The following AFF4 variants were observed in gnomAD, a reference collection of about 807,000 sequenced individuals.
The protein encoded by AFF4 is AF4/FMR2 family member 4.
AFF4 carries 13 observed loss-of-function variants against 124.8 expected under a neutral mutation model. The observed-to-expected ratio is 0.10, with a 90% CI of 0.07 to 0.17. The LOEUF (loss-of-function observed/expected upper bound fraction) is 0.17. Ranked by LOEUF, AFF4 falls within the 10% of genes least tolerant of loss-of-function variation. The probability of loss-of-function intolerance (pLI) is 1.00; values close to 1 mark genes in which losing one functional copy is unlikely to be tolerated. For missense variants in AFF4, 1,092 were observed against 1,403.8 expected (o/e 0.78, Z 3.55); for synonymous variants, 477 against 496.1 (o/e 0.96, Z 0.51).
At position 132,963,470 on chromosome 5, in the gene AFF4, G is replaced by T. The variant is rs1182686835; in HGVS notation, c.-216C>A. ...CGGCGGCAGCGATGCGCCTCACACG[G>T]AACAGGCGTAGGCCCCGCACCGCTC... is the stretch of plus-strand genomic sequence containing the variant. On this transcript the variant is annotated 5_prime_UTR_variant, in exon 1 of 21. Transcript: ENST00000265343. 5.0e-6 allele frequency: 2 copies of T among 398,258 alleles called. No individual in the cohort carries two copies. Among genetic ancestry groups the T allele is most frequent in the Non-Finnish European group, 8.9e-6 (2 of 225,852 alleles). The allele number at this position is 398,258 out of a possible 1,614,324, so 24.7% of individuals were successfully genotyped here. A position where few individuals can be genotyped will look rare whatever the true frequency, so the allele number is the denominator to read the frequency against.
At position 132,910,754 on chromosome 5, in the gene AFF4, C is replaced by G. The variant is rs541258698; in HGVS notation, c.1051-6350G>C. ...ATTCAGTTAACAAACATTCATTGAA[C>G]AGCTACTTTGTGCCAGAACTATTCT... On this transcript the variant is annotated intron_variant, in intron 5 of 20. Transcript: ENST00000265343. Among the ~76,000 whole-genome samples the G allele has an allele frequency of 2.4e-4, 36 of 152,280 alleles. No individual in the cohort carries two copies. The South Asian group carries it at 7.3e-3, about 31-fold the overall frequency.
At chr5:132,918,045 A>C (rs1008518730) in intron 5 of AFF4, among the ~76,000 whole-genome samples, 4 of 151,816 alleles carry the variant, frequency 2.6e-5, no homozygotes, top group Non-Finnish European at 2.9e-5. Flanking sequence ...TAAATTAGCA[A>C]GGAAAAATCA....
chr5:132,952,230 C>T (rs1287603712), intron 1 of AFF4, among the ~76,000 whole-genome samples: 6 of 152,188 alleles, frequency 3.9e-5, no homozygotes, highest in African/African-American at 9.6e-5. Context: ...AAATGCCGTC[C>T]GTATCCAATC....
Position 132,938,975 on chromosome 5 carries a change from G to T in AFF4, c.-4-1782C>A, listed in dbSNP as rs939112161. Among the ~76,000 whole-genome samples, 278 of 94,320 alleles carry T rather than the reference G, an allele frequency of 2.9e-3. No homozygotes were observed. In the Middle Eastern group the frequency reaches 0.051, roughly 17 times the overall value. The allele number at this position is 94,320 out of a possible 152,430, so 61.9% of individuals were successfully genotyped here. ...AAAAAAAAAAAAAAGGCAATTTAAT[G>T]TTTAGAAAAAAAAAAAAAAAAGGGA... is the stretch of plus-strand genomic sequence containing the variant. On this transcript the variant is annotated intron_variant, in intron 1 of 20. Coordinates refer to ENST00000265343, the MANE Select transcript of AFF4 (RefSeq NM_014423.4).
At chr5:132,919,458 A>C (rs991845413) in intron 5 of AFF4, among the ~76,000 whole-genome samples, 3 of 152,274 alleles carry the variant, frequency 2.0e-5, no homozygotes, top group African/African-American at 7.2e-5. Context: ...GGATATGTAC[A>C]TACAAGAGGA....
chr5:132,934,777 T>C lies in AFF4; in HGVS notation c.288A>G (p.Glu96=), dbSNP rs1158522623. Residue 96 remains glutamate, a synonymous_variant, in exon 3 of 21, where the codon GAA becomes GAG. Transcript: ENST00000265343. ...TCTGATGAGAGCCTCCATGTCTCTG[T>C]TCAAAGAAATTTGGGTTAGATTTTT... The part of the protein sequence containing the change: ...ADEKSNPNFF[E]QRHGGSHQSS... 6.2e-7 allele frequency: 1 copy of C among 1,614,162 alleles called. No individual in the cohort carries two copies. Among genetic ancestry groups the C allele is most frequent in the East Asian group, 2.2e-5 (1 of 44,882 alleles).
At chr5:132,938,395 G>A (rs1486011892) in intron 1 of AFF4, among the ~76,000 whole-genome samples, 1 of 151,606 alleles carries the variant, frequency 6.6e-6, no homozygotes, top group Non-Finnish European at 1.5e-5. Context: ...AGCCTCCTGA[G>A]TAGCTGGGAT....
chr5:132,909,703 G>A lies in AFF4; in HGVS notation c.1051-5299C>T, dbSNP rs144174407. On this transcript the variant is annotated intron_variant, in intron 5 of 20. Coordinates refer to ENST00000265343, the MANE Select transcript of AFF4 (RefSeq NM_014423.4). The stretch of plus-strand genomic sequence containing the variant: ...TTACAGAATATATTGTACAGAGCAT[G>A]ATTCTATAACTGAGTTGAAGATATT... 1.8e-3 allele frequency among the ~76,000 whole-genome samples: 274 copies of A among 152,302 alleles called. 2 individuals carry two copies. The highest frequency in any genetic ancestry group is 6.2e-3 in the African/African-American group (259 of 41,570).
At chr5:132,922,747 T>C (rs1223892169) in intron 5 of AFF4, among the ~76,000 whole-genome samples, 4 of 131,986 alleles carry the variant, frequency 3.0e-5, no homozygotes, top group African/African-American at 1.2e-4. Context: ...GCCACTGCAC[T>C]CCAGTCTGGC....
At chr5:132,942,977 G>C (rs1486553872) in intron 1 of AFF4, 1 of 215,430 alleles carries the variant, frequency 4.6e-6, no homozygotes. Context: ...CTGGGTCTTG[G>C]ATAAACTGAA....
At chr5:132,924,832 T>C (rs1402113690) in intron 5 of AFF4, among the ~76,000 whole-genome samples, 1 of 150,834 alleles carries the variant, frequency 6.6e-6, no homozygotes, top group Non-Finnish European at 1.5e-5. Context: ...ACAGCAAGAC[T>C]CCATCTCAAA....
intron 1 of AFF4, among the ~76,000 whole-genome samples, chr5:132,949,621 G>C (rs1004715912): frequency 6.6e-6 from 1 of 151,732 alleles, no homozygotes; most frequent in Middle Eastern, 3.4e-3. Context: ...ACCATCCTGC[G>C]GGTGGATCAC....
At chr5:132,963,085 T>C (rs1196532444) in intron 1 of AFF4, among the ~76,000 whole-genome samples, 174 bp downstream of exon 1, 1 of 152,054 alleles carries the variant, frequency 6.6e-6, no homozygotes, top group African/African-American at 2.4e-5. Context: ...TGCGGGAAGG[T>C]GGTGGGGTGG....
chr5:132,923,522 G>C (rs1398997019), intron 5 of AFF4, among the ~76,000 whole-genome samples: 1 of 152,150 alleles, frequency 6.6e-6, no homozygotes, highest in Non-Finnish European at 1.5e-5. Flanking sequence ...ATGGCTTGAA[G>C]TCAGGAGTTT....
intron 1 of AFF4, among the ~76,000 whole-genome samples, chr5:132,956,625 C>A (rs891408057): frequency 6.9e-6 from 1 of 144,724 alleles, no homozygotes; most frequent in African/African-American, 2.6e-5. Flanking sequence ...GAGCAAGACT[C>A]CATCTCAGAA....
rs1396378152 is a variant in AFF4, at chr5:132,937,081, C to G, written c.109G>C (p.Glu37Gln). Residue 37 changes from glutamate to glutamine, a missense_variant, in exon 2 of 21, where the codon GAG becomes CAG. Around this residue, in one of 11 missense-constraint regions of AFF4, gnomAD observed 35 missense variants for 70.9 expected, o/e 0.49. Transcript: ENST00000265343. The part of the protein sequence containing the change: ...AFPPSSPLFA[E>Q]PYKVTSKEDK... The stretch of plus-strand genomic sequence containing the variant: ...GGGCAACTTACAACTTTGTATGGCT[C>G]TGCAAAGAGAGGAGAGCTAGGTGGG... 1 of 1,612,922 alleles carries G rather than the reference C, an allele frequency of 6.2e-7. No homozygotes were observed. The highest frequency in any genetic ancestry group is 8.5e-7 in the Non-Finnish European group (1 of 1,179,600).
At chr5:132,900,398 A>G (rs988181984) in intron 7 of AFF4, among the ~76,000 whole-genome samples, 2 of 152,112 alleles carry the variant, frequency 1.3e-5, no homozygotes, top group Admixed American at 6.5e-5. Context: ...CTCTACTAAA[A>G]ATACAAAAAT....
chr5:132,907,999 C>T (rs1051099385), intron 5 of AFF4, among the ~76,000 whole-genome samples: 16 of 152,124 alleles, frequency 1.1e-4, no homozygotes, highest in African/African-American at 2.2e-4. Flanking sequence ...AGGATCATCT[C>T]GCCTACTAAG....
chr5:132,920,296 C>G (rs1195480615), intron 5 of AFF4, among the ~76,000 whole-genome samples: 1 of 151,700 alleles, frequency 6.6e-6, no homozygotes, highest in Non-Finnish European at 1.5e-5. Flanking sequence ...GTGATCTGCC[C>G]ACCTCAGCCT....
Sources: gnomAD v4.1 joint callset for allele counts (sites outside exome capture counted in the v4.1 genomes callset) on GRCh38, gnomAD v4.1.1 for gene constraint, gnomAD v4.1.1 regional missense constraint, MANE v1.5 for transcripts, NCBI Gene and HGNC (gene_info 2026-07-23, HGNC 2026-07-21) for gene names.